The following DLGAP2 variants were observed in gnomAD, a reference collection of about 807,000 sequenced individuals.
DLGAP2 encodes the protein DLG associated protein 2, also known as disks large-associated protein 2.
DLGAP2 carries 26 observed loss-of-function variants against 100.3 expected under a neutral mutation model. That is an observed-to-expected ratio of 0.26 (90% CI 0.19 to 0.36). The LOEUF is 0.36. Ranked by LOEUF, DLGAP2 falls within the 10% of genes least tolerant of loss-of-function variation. The probability of loss-of-function intolerance (pLI) is 1.00; values close to 1 mark genes in which losing one functional copy is unlikely to be tolerated. For synonymous variants in DLGAP2, 886 were observed against 630.1 expected, an observed-to-expected ratio of 1.41 and a Z score of -6.08; for missense variants, 1,858 against 1,453.2, an observed-to-expected ratio of 1.28 and a Z score of -4.53.
intron 3 of DLGAP2, among the ~76,000 whole-genome samples, chr8:1,466,285 T>G (rs1798622855): frequency 6.6e-6 from 1 of 152,068 alleles, no homozygotes; most frequent in Non-Finnish European, 1.5e-5. Flanking sequence ...AACTGACAAT[T>G]TGGTGCCAGG....
At chr8:1,346,189 G>C (rs1269330716) in intron 3 of DLGAP2, among the ~76,000 whole-genome samples, 3 of 152,184 alleles carry the variant, frequency 2.0e-5, no homozygotes, top group Non-Finnish European at 4.4e-5. Flanking sequence ...TTCCCATACA[G>C]AGCTGCATTG....
At chr8:1,669,582 C>A (rs889916855) in intron 9 of DLGAP2, among the ~76,000 whole-genome samples, 161 bp from the exon 10 acceptor site, 2 of 152,214 alleles carry the variant, frequency 1.3e-5, no homozygotes, top group Non-Finnish European at 2.9e-5. Flanking sequence ...TCTTGATTGC[C>A]GCTGGGGCGG....
intron 1 of DLGAP2, among the ~76,000 whole-genome samples, chr8:893,410 G>A (rs989909073): frequency 2.6e-5 from 4 of 152,358 alleles, no homozygotes; most frequent in African/African-American, 9.6e-5. Context: ...CTTACGTGTC[G>A]TATCTAATTT....
At chr8:1,686,202 A>C (rs1029390019) in intron 12 of DLGAP2, among the ~76,000 whole-genome samples, 5 of 152,200 alleles carry the variant, frequency 3.3e-5, no homozygotes, top group African/African-American at 1.2e-4. Flanking sequence ...TGGATAAAGA[A>C]AATGTGGTAA....
At chr8:1,090,185 G>A (rs1327661789) in intron 2 of DLGAP2, among the ~76,000 whole-genome samples, 5 of 146,126 alleles carry the variant, frequency 3.4e-5, no homozygotes, top group Non-Finnish European at 7.6e-5. Context: ...CTCATACCCC[G>A]AGGACCTGCT....
rs1182336748 is a variant in DLGAP2 at position 1,667,143 on chromosome 8, A to G, written c.1811-1186A>G. On this transcript the variant is annotated intron_variant, in intron 8 of 14. Coordinates refer to ENST00000637795, the MANE Select transcript of DLGAP2 (RefSeq NM_001346810.2). ...ATTCCCTTCAAGAAGCACTTTTATC[A>G]GCTCTTCCTGTGCACTAAAGGAAAA... is the stretch of plus-strand genomic sequence containing the variant. 2.0e-5 allele frequency among the ~76,000 whole-genome samples: 3 copies of G among 152,204 alleles called. No individual in the cohort carries two copies. The East Asian group carries it at 5.8e-4, about 29-fold the overall frequency.
intron 3 of DLGAP2, among the ~76,000 whole-genome samples, chr8:1,462,970 C>T (rs1019192385): frequency 6.6e-5 from 10 of 152,176 alleles, no homozygotes; most frequent in Non-Finnish European, 8.8e-5. Flanking sequence ...TCAAGTGGGC[C>T]AGGCGTAGTG....
intron 7 of DLGAP2, among the ~76,000 whole-genome samples, chr8:1,630,995 AGGGTCTCGGCGGGAGGTCCGGGTGTCCCG>A: frequency 1.4e-5 from 2 of 142,270 alleles, no homozygotes; most frequent in South Asian, 2.4e-4. Flanking sequence ...GGGTGTCCCG[AGGGTCTCGGCGGGAGGTCCGGGTGTCCCG>A]AGGGTCTGGG....
intron 7 of DLGAP2, among the ~76,000 whole-genome samples, chr8:1,630,406 T>G (rs1797612025): frequency 6.6e-6 from 1 of 152,056 alleles, no homozygotes; most frequent in Non-Finnish European, 1.5e-5. Flanking sequence ...CAAAGTTTGT[T>G]GAAAGTTTGC....
rs952619374 is a variant in DLGAP2, at chr8:979,176, A to T, written c.73+71210A>T. 2.6e-5 allele frequency among the ~76,000 whole-genome samples: 4 copies of T among 152,236 alleles called. No homozygotes were observed. In the East Asian group the frequency reaches 7.7e-4, roughly 29 times the overall value. On this transcript the variant is annotated intron_variant, in intron 2 of 14. Coordinates refer to ENST00000637795, the MANE Select transcript of DLGAP2 (RefSeq NM_001346810.2). ...GTTAAGATTCTTCAAAAGCAATCACACTGACTTCACAAAGGAACATAATGG... is the reference window on the plus strand; with the variant it reads ...GTTAAGATTCTTCAAAAGCAATCACTCTGACTTCACAAAGGAACATAATGG...
chr8:1,683,834 C>T (rs1051411720), intron 12 of DLGAP2, among the ~76,000 whole-genome samples: 1 of 56,248 alleles, frequency 1.8e-5, no homozygotes, highest in Admixed American at 2.0e-4. Flanking sequence ...CTTTGCTCCA[C>T]TATATATATA....
At chr8:1,290,390 C>T (rs1478195319) in intron 3 of DLGAP2, among the ~76,000 whole-genome samples, 1 of 152,218 alleles carries the variant, frequency 6.6e-6, no homozygotes, top group African/African-American at 2.4e-5. Context: ...AGGGTTTGAA[C>T]ATCGGGCTGT....
At chr8:1,463,473 C>T (rs372120684) in intron 3 of DLGAP2, among the ~76,000 whole-genome samples, 4 of 152,214 alleles carry the variant, frequency 2.6e-5, no homozygotes, top group East Asian at 1.9e-4. Context: ...TCGAACCCAC[C>T]GTCCAAAGCC....
Position 1,434,602 on chromosome 8 carries a change from G to A in DLGAP2, c.107-66764G>A, listed in dbSNP as rs146411580. ...AGCAATCCTCCCACTTCAAGTTCCC[G>A]AGTAGCTGGGACTACAGGCGTGCGC... is the stretch of plus-strand genomic sequence containing the variant. On this transcript the variant is annotated intron_variant, in intron 3 of 14. Transcript: ENST00000637795. Among the ~76,000 whole-genome samples, 170 of 152,164 alleles carry A rather than the reference G, an allele frequency of 1.1e-3. No homozygotes were observed. In the East Asian group the frequency reaches 0.016, roughly 15 times the overall value.
intron 1 of DLGAP2, among the ~76,000 whole-genome samples, 197 bp from the exon 2 acceptor site, chr8:907,715 C>T (rs1798408939): frequency 6.6e-6 from 1 of 152,194 alleles, no homozygotes; most frequent in Non-Finnish European, 1.5e-5. Context: ...ATCACACTCA[C>T]CTGATTAACC....
chr8:1,574,518 C>T lies in DLGAP2; in HGVS notation c.1442+8624C>T, dbSNP rs184915291. On this transcript the variant is annotated intron_variant, in intron 6 of 14. Transcript: ENST00000637795. ...CCCCGGAGGCAGCAGAATCTCCCCTCGGTGATGAGTCACCTCCCTCGGTGA... is the reference window on the plus strand; with the variant it reads ...CCCCGGAGGCAGCAGAATCTCCCCTTGGTGATGAGTCACCTCCCTCGGTGA... Among the ~76,000 whole-genome samples, 15 of 152,278 alleles carry T rather than the reference C, an allele frequency of 9.9e-5. 2 individuals are homozygous for T. The South Asian group carries it at 2.5e-3, about 25-fold the overall frequency.
intron 2 of DLGAP2, among the ~76,000 whole-genome samples, chr8:1,098,678 C>T (rs1325153470): frequency 1.6e-5 from 2 of 125,582 alleles, no homozygotes; most frequent in East Asian, 2.2e-4. Flanking sequence ...GGCTCCCGGC[C>T]GCCCACGGGC....
At chr8:1,646,233 T>A (rs1476474431) in intron 8 of DLGAP2, among the ~76,000 whole-genome samples, 1 of 152,120 alleles carries the variant, frequency 6.6e-6, no homozygotes, top group African/African-American at 2.4e-5. Context: ...GAGAGGGAAT[T>A]CCTCCTGCCT....
chr8:1,170,463 AGTTC>A (rs1450025430), intron 2 of DLGAP2, among the ~76,000 whole-genome samples: 3 of 152,152 alleles, frequency 2.0e-5, no homozygotes, highest in Non-Finnish European at 4.4e-5. Flanking sequence ...CAATGGTACC[AGTTC>A]ATCCTTGAAC....
Sources: allele counts gnomAD v4.1 joint callset (sites outside exome capture counted in the v4.1 genomes callset), GRCh38; gene constraint gnomAD v4.1.1; transcripts MANE v1.5; gene names NCBI Gene and HGNC (gene_info 2026-07-23, HGNC 2026-07-21).